Variants in FAM135B observed in about 807,000 individuals in gnomAD.
FAM135B encodes family with sequence similarity 135 member B, also known as protein FAM135B.
A neutral mutation model predicts 127.7 loss-of-function variants in FAM135B; 43 were observed. That is an observed-to-expected ratio of 0.34 (90% CI 0.26 to 0.43). The LOEUF is 0.43. Among genes scored for constraint, FAM135B ranks in the 20% least tolerant of loss-of-function variants. The probability of loss-of-function intolerance (pLI) is 1.00; values close to 1 mark genes in which losing one functional copy is unlikely to be tolerated. For synonymous variants in FAM135B, 670 were observed against 665.1 expected (o/e 1.01, Z -0.11); for missense variants, 1,558 against 1,725.6 (o/e 0.90, Z 1.72).
chr8:138,358,694 A>G (rs1398645458), intron 2 of FAM135B: 1 of 152,130 alleles, frequency 6.6e-6, no homozygotes, highest in Non-Finnish European at 1.5e-5. Flanking sequence ...CTATTATCCT[A>G]CCTTCATGGC....
intron 1 of FAM135B, among the ~76,000 whole-genome samples, chr8:138,425,001 T>C (rs1834759443): frequency 6.6e-6 from 1 of 152,186 alleles, no homozygotes; most frequent in Non-Finnish European, 1.5e-5. Context: ...CTCCATTGAT[T>C]ATCTGTCACT....
chr8:138,241,081 G>A lies in FAM135B; in HGVS notation c.669+1861C>T, dbSNP rs574533686. The stretch of plus-strand genomic sequence containing the variant: ...CGTGGGGGCTGAAGGAAGGAAGACT[G>A]GACATAGGGAGAAGCTGAACTGTGA... On this transcript the variant is annotated intron_variant, in intron 7 of 19. Coordinates refer to ENST00000395297, the MANE Select transcript of FAM135B (RefSeq NM_015912.4). The surrounding 1 kb of genome is among the most constrained non-coding windows in gnomAD (Gnocchi z 4.8). Among the ~76,000 whole-genome samples the A allele has an allele frequency of 6.6e-6, 1 of 152,282 alleles. No homozygotes were observed. Among genetic ancestry groups the A allele is most frequent in the East Asian group, 1.9e-4 (1 of 5,166 alleles).
At chr8:138,203,934 C>T (rs1375323423) in intron 7 of FAM135B, among the ~76,000 whole-genome samples, 1 of 152,162 alleles carries the variant, frequency 6.6e-6, no homozygotes. Flanking sequence ...AGATCCCTCC[C>T]ATGTACAGTT....
At chr8:138,437,274 C>G (rs1038795552) in intron 1 of FAM135B, 2 of 152,154 alleles carry the variant, frequency 1.3e-5, no homozygotes, top group Non-Finnish European at 2.9e-5. Context: ...TATAGTTAGG[C>G]TTTGTGTCCC....
chr8:138,233,761 C>T (rs1329864154), intron 7 of FAM135B, among the ~76,000 whole-genome samples: 1 of 152,016 alleles, frequency 6.6e-6, no homozygotes, highest in Non-Finnish European at 1.5e-5. Flanking sequence ...ATTTGCAAAC[C>T]ACATATCCAA....
At chr8:138,259,494 G>C (rs1822379092) in intron 4 of FAM135B, among the ~76,000 whole-genome samples, 1 of 152,134 alleles carries the variant, frequency 6.6e-6, no homozygotes, top group Non-Finnish European at 1.5e-5. Flanking sequence ...TACACAAAGG[G>C]CTTTGTTCAC....
chr8:138,433,824 G>A (rs192960279), intron 1 of FAM135B, among the ~76,000 whole-genome samples: 353 of 152,300 alleles, frequency 2.3e-3, no homozygotes, highest in Admixed American at 4.4e-3. Flanking sequence ...CAGAGGTTGG[G>A]ACATTAGTTA....
intron 7 of FAM135B, among the ~76,000 whole-genome samples, chr8:138,199,664 C>T (rs1816953518): frequency 6.6e-6 from 1 of 152,140 alleles, no homozygotes; most frequent in African/African-American, 2.4e-5. Flanking sequence ...CACAGGTCTC[C>T]ATAGCTGGGG....
intron 7 of FAM135B, among the ~76,000 whole-genome samples, chr8:138,214,902 CTG>C (rs757384826): frequency 1.3e-5 from 2 of 152,066 alleles, no homozygotes; most frequent in Non-Finnish European, 2.9e-5. Context: ...AGTTGGGAGT[CTG>C]TGCACTGTCT....
In FAM135B at chr8:138,296,385, C is replaced by T. The variant is rs915822006; in HGVS notation, c.157+14456G>A. On this transcript the variant is annotated intron_variant, in intron 3 of 19. Coordinates refer to ENST00000395297, the MANE Select transcript of FAM135B (RefSeq NM_015912.4). ...TCTTCCAACGAACCAGCTGAGTCCC[C>T]GGTGCTGGGCTGTTTATGCATTTTA... Among the ~76,000 whole-genome samples the T allele has an allele frequency of 5.9e-5, 9 of 152,174 alleles. No homozygotes were observed. In the East Asian group the frequency reaches 7.7e-4, roughly 13 times the overall value.
At chr8:138,221,484 C>G (rs556519876) in intron 7 of FAM135B, among the ~76,000 whole-genome samples, 1 of 152,232 alleles carries the variant, frequency 6.6e-6, no homozygotes, top group East Asian at 1.9e-4. Flanking sequence ...GGTGAGGACA[C>G]GGATTCAAAC....
intron 9 of FAM135B, among the ~76,000 whole-genome samples, chr8:138,191,595 C>A (rs1816129254): frequency 6.6e-6 from 1 of 152,146 alleles, no homozygotes; most frequent in African/African-American, 2.4e-5. Context: ...ACCACTGAGT[C>A]CCCATGGTTG....
intron 1 of FAM135B, among the ~76,000 whole-genome samples, chr8:138,410,628 A>C (rs1381078612): frequency 6.6e-6 from 1 of 152,186 alleles, no homozygotes; most frequent in Non-Finnish European, 1.5e-5. Context: ...AAAAAGTCAA[A>C]AAACAACAGA....
At chr8:138,166,557 G>A (rs1819944510) in intron 12 of FAM135B, among the ~76,000 whole-genome samples, 1 of 152,210 alleles carries the variant, frequency 6.6e-6, no homozygotes, top group East Asian at 1.9e-4. Flanking sequence ...ACAATTAAAA[G>A]GATGTATAAC....
intron 2 of FAM135B, among the ~76,000 whole-genome samples, chr8:138,342,245 C>T (rs1487345887): frequency 1.3e-5 from 2 of 152,198 alleles, no homozygotes; most frequent in Non-Finnish European, 2.9e-5. Flanking sequence ...TTCTAGAGCA[C>T]TCTCAAGGGA....
rs1484127824 is a variant in FAM135B at position 138,323,270 on chromosome 8, C to G, written c.78-12350G>C. Among the ~76,000 whole-genome samples the G allele has an allele frequency of 2.6e-5, 4 of 152,182 alleles. No homozygotes were observed. In the East Asian group the frequency reaches 7.7e-4, roughly 29 times the overall value. ...GAATTTCCTGCTCACTATCCCTAAA[C>G]TTCTCTTTCCTTACAAAGCAAAGCC... On this transcript the variant is annotated intron_variant, in intron 2 of 19. Transcript: ENST00000395297.
chr8:138,177,740 C>A (rs140326903), intron 10 of FAM135B, among the ~76,000 whole-genome samples: 91 of 152,258 alleles, frequency 6.0e-4, no homozygotes, highest in African/African-American at 2.1e-3. Flanking sequence ...TGAACAGGGT[C>A]CATAAATAAA....
At position 138,371,616 on chromosome 8, in the gene FAM135B, C is replaced by T. The variant is rs574210006; in HGVS notation, c.-19-3614G>A. Among the ~76,000 whole-genome samples, 30 of 152,266 alleles carry T rather than the reference C, an allele frequency of 2.0e-4. 1 individual carries two copies. The South Asian group carries it at 6.2e-3, about 32-fold the overall frequency. On this transcript the variant is annotated intron_variant, in intron 1 of 19. Transcript: ENST00000395297. ...ATGATTCAGATCTCCATCTCCAGCA[C>T]ATCAGCAACCACACCTTGGGTAGAC... is the stretch of plus-strand genomic sequence containing the variant.
intron 7 of FAM135B, among the ~76,000 whole-genome samples, chr8:138,226,150 C>CGTGTGTGTGTGTGTGTGTGTGT (rs72185111): frequency 5.2e-5 from 7 of 133,518 alleles, no homozygotes; most frequent in Non-Finnish European, 7.9e-5. Context: ...GGGGACCCAC[C>CGTGTGTGTGTGTGTGTGTGTGT]GTGTGTGTGT....
Sources: allele counts gnomAD v4.1 joint callset (sites outside exome capture counted in the v4.1 genomes callset), GRCh38; gene constraint gnomAD v4.1.1; non-coding constraint Gnocchi (gnomAD v3.1); transcripts MANE v1.5; gene names NCBI Gene and HGNC (gene_info 2026-07-23, HGNC 2026-07-21).